The following SUPV3L1 variants were observed in gnomAD, a reference collection of about 807,000 sequenced individuals.
The protein encoded by SUPV3L1 is ATP-dependent RNA helicase SUPV3L1, mitochondrial.
In SUPV3L1, 35 loss-of-function variants were observed where a neutral mutation model predicts 70.0. That is an observed-to-expected ratio of 0.50 (90% CI 0.38 to 0.66). SUPV3L1 has a LOEUF of 0.66. Ranked by LOEUF, SUPV3L1 falls within the 30% of genes least tolerant of loss-of-function variation. The pLI, the probability that SUPV3L1 is intolerant of heterozygous loss-of-function variation, is 0.00. For synonymous variants in SUPV3L1, 364 were observed against 341.9 expected (o/e 1.06, Z -0.71); for missense variants, 777 against 961.5 (o/e 0.81, Z 2.54).
chr10:69,207,692 A>G, intron 13 of SUPV3L1, 101 bp from the exon 14 acceptor site: 1 of 1,373,650 alleles, frequency 7.3e-7, no homozygotes, highest in African/African-American at 1.5e-5. Context: ...TTGAAATACA[A>G]CCACAATGTT....
intron 11 of SUPV3L1, among the ~76,000 whole-genome samples, chr10:69,201,609 A>C (rs1268449154): frequency 2.0e-5 from 3 of 148,878 alleles, no homozygotes; most frequent in African/African-American, 7.4e-5. Context: ...ATCACGGCTC[A>C]CGGTAACCCC....
chr10:69,194,416 A>G (rs571950454), intron 6 of SUPV3L1, among the ~76,000 whole-genome samples: 37 of 151,944 alleles, frequency 2.4e-4, no homozygotes, highest in South Asian at 1.2e-3. Context: ...CAGTAGTGCA[A>G]TCTTGGCTCA....
intron 5 of SUPV3L1, among the ~76,000 whole-genome samples, chr10:69,190,877 A>G (rs181912103): frequency 6.6e-6 from 1 of 152,348 alleles, no homozygotes. Flanking sequence ...ACTTCTCCAG[A>G]TTTAGCACCA....
At chr10:69,195,019 G>A (rs889333098) in intron 6 of SUPV3L1, among the ~76,000 whole-genome samples, 169 bp from the exon 7 acceptor site, 3 of 152,158 alleles carry the variant, frequency 2.0e-5, no homozygotes, top group African/African-American at 7.2e-5. Flanking sequence ...GGATTAAAGA[G>A]GAGGTACTTA....
chr10:69,196,786 G>C (rs938071541), intron 7 of SUPV3L1, among the ~76,000 whole-genome samples: 4 of 152,036 alleles, frequency 2.6e-5, no homozygotes, highest in Non-Finnish European at 5.9e-5. Context: ...AATTTAAAAG[G>C]CCTGAGATTA....
chr10:69,185,969 T>A lies in SUPV3L1; in HGVS notation c.272-18T>A. On this transcript the variant is annotated intron_variant, in intron 1 of 14. Coordinates refer to ENST00000359655, the MANE Select transcript of SUPV3L1 (RefSeq NM_003171.5). ...ATCTAAGATAAGGAAACGTTAAATT[T>A]TGACATCTCTCTTCTAGATGAAGTA... is the stretch of plus-strand genomic sequence containing the variant. 6.3e-7 allele frequency: 1 copy of A among 1,585,528 alleles called. No homozygotes were observed. Among genetic ancestry groups the A allele is most frequent in the Non-Finnish European group, 8.6e-7 (1 of 1,160,280 alleles).
chr10:69,200,888 A>G (rs1223916820), intron 11 of SUPV3L1, among the ~76,000 whole-genome samples: 4 of 152,238 alleles, frequency 2.6e-5, no homozygotes, highest in African/African-American at 9.6e-5. Flanking sequence ...GCTTGGGGCA[A>G]AAACAGCCCT....
intron 1 of SUPV3L1, among the ~76,000 whole-genome samples, chr10:69,180,793 G>T (rs954084366): frequency 2.0e-5 from 3 of 152,124 alleles, no homozygotes; most frequent in Admixed American, 6.5e-5. Flanking sequence ...CCCTTTTACT[G>T]CCCTGCTCTC....
chr10:69,203,189 A>G, intron 13 of SUPV3L1, 146 bp downstream of exon 13: 1 of 796,232 alleles, frequency 1.3e-6, no homozygotes, highest in Non-Finnish European at 1.9e-6. Flanking sequence ...GGTTAATAGT[A>G]GCAACAGTGT....
Position 69,194,596 on chromosome 10 carries a change from C to T in SUPV3L1, c.854-592C>T, listed in dbSNP as rs918512006. 5.9e-5 allele frequency among the ~76,000 whole-genome samples: 9 copies of T among 152,126 alleles called. No individual in the cohort carries two copies. The East Asian group carries it at 7.8e-4, about 13-fold the overall frequency. ...CGATCTCCTGACATTGTGATCCACC[C>T]GCCTCGACCTCCCAAGAAAATGTTT... On this transcript the variant is annotated intron_variant, in intron 6 of 14. Coordinates refer to ENST00000359655, the MANE Select transcript of SUPV3L1 (RefSeq NM_003171.5).
At chr10:69,180,590 A>G (rs747768572) in intron 1 of SUPV3L1, 28 bp downstream of exon 1, 20 of 1,609,804 alleles carry the variant, frequency 1.2e-5, no homozygotes, top group Middle Eastern at 1.6e-4. Context: ...TGAGGGCGGC[A>G]GAGGGTGGTG....
chr10:69,195,283 T>G lies in SUPV3L1; in HGVS notation c.931+18T>G. Reference sequence around the variant, plus strand: ...ACTTCTAGGTTGGTGGTCGTAATGCTATAAAACCCGTGCTTTATGACATCT... The same window carrying G: ...ACTTCTAGGTTGGTGGTCGTAATGCGATAAAACCCGTGCTTTATGACATCT... On this transcript the variant is annotated intron_variant, in intron 7 of 14. Transcript: ENST00000359655. 6.3e-7 allele frequency: 1 copy of G among 1,581,070 alleles called. No individual in the cohort carries two copies. The highest frequency in any genetic ancestry group is 1.2e-5 in the South Asian group (1 of 86,530).
At chr10:69,206,394 T>A (rs1389041813) in intron 13 of SUPV3L1, among the ~76,000 whole-genome samples, 1 of 152,228 alleles carries the variant, frequency 6.6e-6, no homozygotes, top group Non-Finnish European at 1.5e-5. Flanking sequence ...AATGAATCAT[T>A]TGAAATCAGC....
At chr10:69,206,123 C>CA (rs931790148) in intron 13 of SUPV3L1, among the ~76,000 whole-genome samples, 6 of 151,204 alleles carry the variant, frequency 4.0e-5, no homozygotes, top group Admixed American at 2.0e-4. Context: ...TGTTTGTGGC[C>CA]AAAAAAAATA....
At chr10:69,202,054 T>C (rs937389798) in intron 11 of SUPV3L1, among the ~76,000 whole-genome samples, 2 of 148,268 alleles carry the variant, frequency 1.3e-5, no homozygotes, top group African/African-American at 5.0e-5. Flanking sequence ...TTGGGCAGGA[T>C]GGTCTCAATC....
chr10:69,200,143 G>T, intron 10 of SUPV3L1, 137 bp from the exon 11 acceptor site: 1 of 691,630 alleles, frequency 1.4e-6, no homozygotes, highest in South Asian at 1.9e-5. Flanking sequence ...CACTGTGCCA[G>T]ACTTTCCTTA....
At chr10:69,193,655 C>CT (rs1019544366) in intron 6 of SUPV3L1, among the ~76,000 whole-genome samples, 63 of 152,118 alleles carry the variant, frequency 4.1e-4, no homozygotes, top group African/African-American at 1.5e-3. Context: ...AGCAGTCCGC[C>CT]TCGCCTCGGC....
chr10:69,189,572 AAG>A, intron 5 of SUPV3L1, 137 bp downstream of exon 5: 6 of 802,006 alleles, frequency 7.5e-6, no homozygotes, highest in Non-Finnish European at 1.1e-5. Context: ...TGTCAATTGT[AAG>A]ATGTACCATT....
In SUPV3L1 at chr10:69,195,256, G is replaced by T. The variant is rs1365826847; in HGVS notation, c.922G>T (p.Ala308Ser). The T allele has an allele frequency of 3.7e-6, 6 of 1,610,600 alleles. No homozygotes were observed. Among genetic ancestry groups the T allele is most frequent in the Non-Finnish European group, 4.2e-6 (5 of 1,178,470 alleles). The part of the protein sequence containing the change: ...DPARGWAWTR[A>S]LLGLCAEEVH... ...AGCCAGAGGATGGGCCTGGACCAGAGCACTTCTAGGTTGGTGGTCGTAATG... is the reference window on the plus strand; with the variant it reads ...AGCCAGAGGATGGGCCTGGACCAGATCACTTCTAGGTTGGTGGTCGTAATG... Residue 308 changes from alanine (A) to serine (S), a missense_variant, in exon 7 of 15, where the codon GCA becomes TCA. Physicochemically the swap from Ala to Ser is moderately conservative, Grantham distance 99. Around this residue, in one of 2 missense-constraint regions of SUPV3L1, gnomAD observed 619 missense variants for 823.3 expected, o/e 0.75. Coordinates refer to ENST00000359655, the MANE Select transcript of SUPV3L1 (RefSeq NM_003171.5).
Sources: allele counts gnomAD v4.1 joint callset (sites outside exome capture counted in the v4.1 genomes callset), GRCh38; gene constraint gnomAD v4.1.1; regional missense constraint gnomAD v4.1.1; transcripts MANE v1.5; gene names NCBI Gene and HGNC (gene_info 2026-07-23, HGNC 2026-07-21).